HERC2: variants seen among roughly 807,000 people sequenced by gnomAD.
HERC2 encodes E3 ubiquitin-protein ligase HERC2.
HERC2 carries 102 observed loss-of-function variants against 537.7 expected under a neutral mutation model. That is an observed-to-expected ratio of 0.19 (90% CI 0.16 to 0.22). The LOEUF is 0.22. HERC2 is among the 10% of genes least tolerant of loss of function. The pLI is 1.00. For missense variants in HERC2, 4,236 were observed against 6,198.2 expected (o/e 0.68, Z 10.63); for synonymous variants, 2,224 against 2,466.2 (o/e 0.90, Z 2.91).
chr15:28,142,196 G>A, intron 76 of HERC2, 42 bp downstream of exon 76: 1 of 1,588,412 alleles, frequency 6.3e-7, no homozygotes, highest in Non-Finnish European at 8.6e-7. Flanking sequence ...GCTAAATAAT[G>A]TTTTTGCATC....
At chr15:28,317,839 G>A (rs1397807824) in intron 2 of HERC2, among the ~76,000 whole-genome samples, 1 of 152,190 alleles carries the variant, frequency 6.6e-6, no homozygotes, top group Non-Finnish European at 1.5e-5. Flanking sequence ...CACTGGGGCA[G>A]TATGCGCAAA....
At chr15:28,213,627 G>A in intron 42 of HERC2, 115 bp downstream of exon 42, 1 of 1,551,730 alleles carries the variant, frequency 6.4e-7, no homozygotes, top group South Asian at 1.2e-5. Flanking sequence ...CAGCTTCCTG[G>A]AAGGCAAACT....
chr15:28,274,821 G>A, intron 6 of HERC2, 84 bp downstream of exon 6: 2 of 1,025,216 alleles, frequency 2.0e-6, no homozygotes, highest in Non-Finnish European at 3.0e-6. Flanking sequence ...CAGCCAAAGG[G>A]CACATGGTGG....
chr15:28,300,461 T>C (rs978706419), intron 2 of HERC2, among the ~76,000 whole-genome samples: 1 of 150,892 alleles, frequency 6.6e-6, no homozygotes, highest in Non-Finnish European at 1.5e-5. Flanking sequence ...AACTACTTCA[T>C]GTTGCACAAT....
chr15:28,291,239 T>G (rs1395687391), intron 4 of HERC2, among the ~76,000 whole-genome samples: 1 of 152,160 alleles, frequency 6.6e-6, no homozygotes, highest in Non-Finnish European at 1.5e-5. Flanking sequence ...ATACGAATTT[T>G]TTTTTAAGAA....
At chr15:28,307,735 G>A (rs2076830359) in intron 2 of HERC2, among the ~76,000 whole-genome samples, 1 of 152,098 alleles carries the variant, frequency 6.6e-6, no homozygotes, top group African/African-American at 2.4e-5. Context: ...ACTTTTATAT[G>A]GCAAAAGAGG....
chr15:28,146,423 AT>A (rs1891744329), intron 70 of HERC2, 79 bp from the exon 71 acceptor site: 10 of 929,176 alleles, frequency 1.1e-5, no homozygotes, highest in Non-Finnish European at 1.6e-5. Flanking sequence ...CTAAAACCAC[AT>A]TTAACAGCTA....
intron 68 of HERC2, among the ~76,000 whole-genome samples, chr15:28,167,053 C>G (rs1044087117): frequency 1.3e-5 from 2 of 152,142 alleles, no homozygotes; most frequent in African/African-American, 4.8e-5. Context: ...ATGTGACAAC[C>G]ACCACAGTAA....
rs150434899 is a variant in HERC2 at position 28,134,314 on chromosome 15, A to G, written c.12230+1164T>C. ...ATGTACAAGTAACTTTTATTTATTG[A>G]TCTTCTATCCCGCAACACTGCTAGC... On this transcript the variant is annotated intron_variant, in intron 79 of 92. Transcript: ENST00000261609. Among the ~76,000 whole-genome samples the G allele has an allele frequency of 1.1e-3, 169 of 152,230 alleles. 2 individuals carry two copies. The highest frequency in any genetic ancestry group is 6.8e-3 in the Middle Eastern group (2 of 294).
chr15:28,302,851 T>C (rs1193501435), intron 2 of HERC2, among the ~76,000 whole-genome samples: 1 of 150,742 alleles, frequency 6.6e-6, no homozygotes, highest in Non-Finnish European at 1.5e-5. Context: ...TCTTATTGGA[T>C]TATTAGATTT....
intron 3 of HERC2, among the ~76,000 whole-genome samples, chr15:28,295,308 TGGG>T (rs3079935): frequency 1.5e-4 from 12 of 79,680 alleles, no homozygotes; most frequent in East Asian, 1.0e-3. Flanking sequence ...TACATGTGTG[TGGG>T]GGGGGGGGAG....
rs558141062 is a variant in HERC2, at chr15:28,152,798, G to C, written c.10779C>G (p.Thr3593=). ...AGTCTGTGGCCACATCCTCCAACTCGGTGACACAGAGCTCCAACAGCATAT... is the reference window on the plus strand; with the variant it reads ...AGTCTGTGGCCACATCCTCCAACTCCGTGACACAGAGCTCCAACAGCATAT... ...VADMLLELCV[T]ELEDVATDSQ... The change falls in exon 70 of 93, where the codon ACC becomes ACG. Residue 3593 remains threonine (T), a synonymous_variant. Coordinates refer to ENST00000261609, the MANE Select transcript of HERC2 (RefSeq NM_004667.6). 4 of 1,558,286 alleles carry C rather than the reference G, an allele frequency of 2.6e-6. No homozygotes were observed. Among genetic ancestry groups the C allele is most frequent in the Non-Finnish European group, 3.5e-6 (4 of 1,150,582 alleles).
chr15:28,215,535 A>G (rs1350441489), intron 39 of HERC2, 86 bp downstream of exon 39: 4 of 1,164,774 alleles, frequency 3.4e-6, no homozygotes, highest in Non-Finnish European at 5.0e-6. Flanking sequence ...CTCGTTACTG[A>G]ATAAAGGCCC....
In HERC2 at chr15:28,113,079, C is replaced by T. The variant is rs778253807; in HGVS notation, c.14224G>A (p.Val4742Ile). ...CCCAGCCAGGAGCCTACCTGGATGA[C>T]GAAGTCTCGGCCCCGGAAGTCGGCG... ...TIADFRGRDF[V>I]IQVLDKYNPP... is the part of the protein sequence containing the mutation. The change falls in exon 92 of 93, where the codon GTC becomes ATC. Residue 4742 changes from valine (V) to isoleucine (I), a missense_variant. By Grantham distance (29) the Val-to-Ile change is conservative (BLOSUM62 3). Transcript: ENST00000261609. This position sits in a 1 kb window ranked among gnomAD's most constrained non-coding sequence, Gnocchi z 7.0. 6.8e-6 allele frequency: 11 copies of T among 1,612,926 alleles called. No homozygotes were observed. Among genetic ancestry groups the T allele is most frequent in the South Asian group, 3.3e-5 (3 of 91,068 alleles).
At chr15:28,123,895 G>A in intron 85 of HERC2, 142 bp downstream of exon 85, 1 of 580,338 alleles carries the variant, frequency 1.7e-6, no homozygotes, top group Middle Eastern at 3.2e-4. Context: ...CCAGAACAGA[G>A]CCTGGCATGC....
intron 86 of HERC2, among the ~76,000 whole-genome samples, chr15:28,118,886 T>C (rs1275899368): frequency 1.3e-5 from 2 of 152,258 alleles, no homozygotes; most frequent in Non-Finnish European, 2.9e-5. Flanking sequence ...GAGCCACCTC[T>C]GGCACCCGGG....
intron 35 of HERC2, among the ~76,000 whole-genome samples, chr15:28,227,684 G>A (rs1901358610): frequency 6.6e-6 from 1 of 152,110 alleles, no homozygotes; most frequent in Non-Finnish European, 1.5e-5. Flanking sequence ...ATTCAAACAA[G>A]TATTTGTATA....
intron 5 of HERC2, among the ~76,000 whole-genome samples, chr15:28,275,292 A>G (rs1420535138): frequency 6.6e-6 from 1 of 152,220 alleles, no homozygotes; most frequent in African/African-American, 2.4e-5. Flanking sequence ...TACTGGGAGG[A>G]AGCAGACGAT....
intron 2 of HERC2, among the ~76,000 whole-genome samples, chr15:28,311,443 C>T (rs2076943497): frequency 6.6e-6 from 1 of 152,036 alleles, no homozygotes. Context: ...CCAGCCTGGG[C>T]AACAGAGTGA....
Sources: allele counts gnomAD v4.1 joint callset (sites outside exome capture counted in the v4.1 genomes callset), GRCh38; gene constraint gnomAD v4.1.1; non-coding constraint Gnocchi (gnomAD v3.1); transcripts MANE v1.5; gene names NCBI Gene and HGNC (gene_info 2026-07-23, HGNC 2026-07-21).